TRERF1: variants seen among roughly 807,000 people sequenced by gnomAD.
The protein encoded by TRERF1 is transcriptional-regulating factor 1.
In TRERF1, 27 loss-of-function variants were observed where a neutral mutation model predicts 122.9. The observed-to-expected ratio is 0.22, with a 90% CI of 0.16 to 0.30. TRERF1 has a LOEUF of 0.30. TRERF1 is among the 10% of genes least tolerant of loss of function. The probability of loss-of-function intolerance (pLI) is 1.00; values close to 1 mark genes in which losing one functional copy is unlikely to be tolerated. For missense variants in TRERF1, 1,248 were observed against 1,560.3 expected, an observed-to-expected ratio of 0.80 and a Z score of 3.37; for synonymous variants, 636 against 641.7, an observed-to-expected ratio of 0.99 and a Z score of 0.13.
intron 2 of TRERF1, among the ~76,000 whole-genome samples, chr6:42,446,589 C>A (rs1338181768): frequency 6.6e-6 from 1 of 152,224 alleles, no homozygotes; most frequent in Non-Finnish European, 1.5e-5. Flanking sequence ...ATGATTATGT[C>A]TCTTTCAATT....
At chr6:42,290,749 T>TA (rs1328626903) in intron 4 of TRERF1, among the ~76,000 whole-genome samples, 2 of 144,760 alleles carry the variant, frequency 1.4e-5, no homozygotes, top group East Asian at 3.9e-4. Flanking sequence ...TCCTTTTTTT[T>TA]TTTTTTTTTT....
At chr6:42,411,938 G>A (rs983409390) in intron 2 of TRERF1, among the ~76,000 whole-genome samples, 1 of 149,380 alleles carries the variant, frequency 6.7e-6, no homozygotes, top group Non-Finnish European at 1.5e-5. Flanking sequence ...CGTGGATTCT[G>A]TTTTTCATTT....
intron 8 of TRERF1, among the ~76,000 whole-genome samples, chr6:42,260,024 A>T (rs1410672077): frequency 1.3e-5 from 2 of 152,048 alleles, no homozygotes; most frequent in African/African-American, 4.8e-5. Context: ...TTATCACTAC[A>T]TTCCCATCTG....
At chr6:42,358,458 C>T (rs1393063633) in intron 3 of TRERF1, among the ~76,000 whole-genome samples, 1 of 152,238 alleles carries the variant, frequency 6.6e-6, no homozygotes, top group African/African-American at 2.4e-5. Flanking sequence ...GTGTATTTCC[C>T]TACAGTTGCA....
At chr6:42,408,375 T>TC (rs1780621152) in intron 2 of TRERF1, among the ~76,000 whole-genome samples, 1 of 124,962 alleles carries the variant, frequency 8.0e-6, no homozygotes, top group African/African-American at 2.9e-5. Context: ...ATATATATCT[T>TC]TTTTTTTTTT....
At chr6:42,309,176 G>GT (rs1233112442) in intron 3 of TRERF1, among the ~76,000 whole-genome samples, 2 of 152,154 alleles carry the variant, frequency 1.3e-5, no homozygotes, top group Non-Finnish European at 2.9e-5. Flanking sequence ...GTCGATTTGT[G>GT]TAAACAATGC....
chr6:42,397,460 C>T (rs1192356673), intron 2 of TRERF1, among the ~76,000 whole-genome samples: 1 of 152,054 alleles, frequency 6.6e-6, no homozygotes, highest in Non-Finnish European at 1.5e-5. Context: ...AAACACTCAC[C>T]CTACTCCCTG....
intron 2 of TRERF1, among the ~76,000 whole-genome samples, chr6:42,426,007 C>T (rs762001244): frequency 1.3e-5 from 2 of 152,150 alleles, no homozygotes; most frequent in Non-Finnish European, 2.9e-5. Context: ...CTGTCCCTTA[C>T]ATTTGCACTG....
intron 3 of TRERF1, among the ~76,000 whole-genome samples, chr6:42,337,540 C>G (rs1222678069): frequency 6.6e-6 from 1 of 152,164 alleles, no homozygotes; most frequent in African/African-American, 2.4e-5. Flanking sequence ...CAGCCACGCT[C>G]AAACCACTAT....
At chr6:42,317,764 ATT>A (rs199701614) in intron 3 of TRERF1, among the ~76,000 whole-genome samples, 3 of 147,850 alleles carry the variant, frequency 2.0e-5, no homozygotes, top group African/African-American at 7.4e-5. Flanking sequence ...GTTGAGAATT[ATT>A]TTTTTTTTTG....
intron 4 of TRERF1, among the ~76,000 whole-genome samples, chr6:42,295,025 T>C (rs948766613): frequency 7.2e-6 from 1 of 139,218 alleles, no homozygotes; most frequent in Non-Finnish European, 1.6e-5. Context: ...GAACAAGGGG[T>C]GGGGTGGGGC....
chr6:42,375,858 G>T (rs1436731739), intron 2 of TRERF1, among the ~76,000 whole-genome samples: 1 of 152,126 alleles, frequency 6.6e-6, no homozygotes, highest in Non-Finnish European at 1.5e-5. Context: ...GAACTTCACA[G>T]GGGCCAGAGC....
chr6:42,344,341 C>T (rs1258838373), intron 3 of TRERF1, among the ~76,000 whole-genome samples: 1 of 152,178 alleles, frequency 6.6e-6, no homozygotes, highest in Non-Finnish European at 1.5e-5. Flanking sequence ...CTGACCAGCA[C>T]TGCTCTATGC....
intron 2 of TRERF1, among the ~76,000 whole-genome samples, chr6:42,411,899 C>T (rs1166578747): frequency 1.3e-5 from 2 of 152,088 alleles, no homozygotes; most frequent in African/African-American, 2.4e-5. Flanking sequence ...TAAATGAACA[C>T]GGCTGGACCA....
intron 3 of TRERF1, among the ~76,000 whole-genome samples, chr6:42,338,398 G>A (rs1371769017): frequency 6.6e-6 from 1 of 152,290 alleles, no homozygotes; most frequent in Admixed American, 6.5e-5. Flanking sequence ...ATGCACGCCC[G>A]CACACACGCA....
intron 2 of TRERF1, among the ~76,000 whole-genome samples, chr6:42,436,642 T>C (rs1562209303): frequency 6.6e-6 from 1 of 151,666 alleles, no homozygotes; most frequent in Non-Finnish European, 1.5e-5. Flanking sequence ...CTTAAATTTT[T>C]AATCACTAGA....
intron 13 of TRERF1, among the ~76,000 whole-genome samples, chr6:42,247,922 C>A (rs964038098): frequency 6.6e-6 from 1 of 152,102 alleles, no homozygotes; most frequent in African/African-American, 2.4e-5. Context: ...TACACTAGTA[C>A]CCTACCTCAC....
intron 2 of TRERF1, among the ~76,000 whole-genome samples, chr6:42,411,543 G>A (rs1209839073): frequency 6.6e-6 from 1 of 152,188 alleles, no homozygotes; most frequent in Non-Finnish European, 1.5e-5. Flanking sequence ...GAGGCAGGAG[G>A]CCCTGCCATG....
chr6:42,279,176 AG>A (rs1781826437), intron 4 of TRERF1, among the ~76,000 whole-genome samples: 1 of 152,194 alleles, frequency 6.6e-6, no homozygotes, highest in Admixed American at 6.5e-5. Context: ...CACTCCAGCC[AG>A]GGCCCAGGAG....
Sources: allele counts gnomAD v4.1 joint callset (sites outside exome capture counted in the v4.1 genomes callset), GRCh38; gene constraint gnomAD v4.1.1; transcripts MANE v1.5; gene names NCBI Gene and HGNC (gene_info 2026-07-23, HGNC 2026-07-21).